Variants in NRXN3 observed in about 807,000 individuals in gnomAD.
NRXN3 encodes the protein neurexin 3, also known as neurexin III.
In NRXN3, 32 loss-of-function variants were observed where a neutral mutation model predicts 137.6. The ratio of observed to expected loss-of-function variants is 0.23; its 90% CI spans 0.18 to 0.31. The LOEUF (loss-of-function observed/expected upper bound fraction) is 0.31. Ranked by LOEUF, NRXN3 falls within the 10% of genes least tolerant of loss-of-function variation. The pLI is 1.00. For synonymous variants in NRXN3, 798 were observed against 784.5 expected (o/e 1.02, Z -0.29); for missense variants, 1,574 against 2,062.5 (o/e 0.76, Z 4.59).
intron 15 of NRXN3, among the ~76,000 whole-genome samples, chr14:79,383,446 T>A (rs1190502021): frequency 6.6e-6 from 1 of 152,152 alleles, no homozygotes; most frequent in East Asian, 1.9e-4. Context: ...AAAATTTGTC[T>A]GCAAAAAGCC....
chr14:78,897,337 A>G (rs2152727591), intron 10 of NRXN3, among the ~76,000 whole-genome samples: 1 of 152,074 alleles, frequency 6.6e-6, no homozygotes, highest in South Asian at 2.1e-4. Context: ...CAGTAACAGT[A>G]GGAGATATTG....
chr14:78,441,320 C>T (rs1460209576), intron 4 of NRXN3, among the ~76,000 whole-genome samples: 4 of 152,052 alleles, frequency 2.6e-5, no homozygotes, highest in African/African-American at 7.2e-5. Context: ...TCTTTTTAAC[C>T]TCTGCATCTT....
chr14:78,503,066 G>T (rs770767552), intron 4 of NRXN3, among the ~76,000 whole-genome samples: 1 of 152,112 alleles, frequency 6.6e-6, no homozygotes, highest in African/African-American at 2.4e-5. Flanking sequence ...AAACATCACT[G>T]GCAGAAATAT....
chr14:78,596,231 A>G (rs541072739), intron 4 of NRXN3, among the ~76,000 whole-genome samples: 4 of 152,346 alleles, frequency 2.6e-5, no homozygotes, highest in Admixed American at 2.6e-4. Context: ...CATAATGGAA[A>G]TTTAAGATTC....
chr14:78,336,098 G>A (rs1239153828), intron 4 of NRXN3, among the ~76,000 whole-genome samples: 1 of 152,130 alleles, frequency 6.6e-6, no homozygotes, highest in Non-Finnish European at 1.5e-5. Context: ...CACCCCCATA[G>A]AGTATGATTC....
intron 10 of NRXN3, among the ~76,000 whole-genome samples, chr14:78,909,584 G>A (rs1294285611): frequency 6.6e-6 from 1 of 152,108 alleles, no homozygotes; most frequent in Non-Finnish European, 1.5e-5. Context: ...TTGCCATCCT[G>A]ATTTGACTTC....
chr14:78,405,513 T>C (rs143107364), intron 4 of NRXN3, among the ~76,000 whole-genome samples: 1 of 151,648 alleles, frequency 6.6e-6, no homozygotes, highest in East Asian at 1.9e-4. Context: ...GATCATTCCC[T>C]CCTCATCTCA....
chr14:78,484,718 C>T (rs772959714), intron 4 of NRXN3, among the ~76,000 whole-genome samples: 87 of 152,230 alleles, frequency 5.7e-4, no homozygotes, highest in South Asian at 5.2e-3. Context: ...AGTAAGCATA[C>T]CAGTGATCTG....
At chr14:79,706,317 T>G (rs533410195) in intron 19 of NRXN3, among the ~76,000 whole-genome samples, 1 of 152,276 alleles carries the variant, frequency 6.6e-6, no homozygotes, top group African/African-American at 2.4e-5. Flanking sequence ...TTCTTCTTCC[T>G]TTCCAAATAA....
In NRXN3 at chr14:78,982,792, G is replaced by T. The variant is rs1008817171; in HGVS notation, c.3143-5230G>T. On this transcript the variant is annotated intron_variant, in intron 14 of 20. Coordinates refer to ENST00000335750, the MANE Select transcript of NRXN3 (RefSeq NM_001330195.2). ...ACAGGCAACATAAACAAATGAGATT[G>T]CATGAAGCCAAAAAGGTTCTGCACA... Among the ~76,000 whole-genome samples the T allele has an allele frequency of 4.2e-4, 64 of 152,236 alleles. 1 individual carries two copies. The highest frequency in any genetic ancestry group is 1.5e-3 in the African/African-American group (63 of 41,564).
At chr14:78,552,994 A>G (rs184671620) in intron 4 of NRXN3, among the ~76,000 whole-genome samples, 2 of 152,342 alleles carry the variant, frequency 1.3e-5, no homozygotes, top group African/African-American at 4.8e-5. Context: ...CATCTATTAT[A>G]CATCAATAAA....
intron 16 of NRXN3, among the ~76,000 whole-genome samples, chr14:79,558,357 A>G (rs1362709353): frequency 6.6e-6 from 1 of 152,128 alleles, no homozygotes; most frequent in Non-Finnish European, 1.5e-5. Context: ...TATGGCACCT[A>G]TAGCCTTATG....
intron 4 of NRXN3, among the ~76,000 whole-genome samples, chr14:78,521,725 A>G (rs1437000967): frequency 6.6e-6 from 1 of 152,184 alleles, no homozygotes; most frequent in Non-Finnish European, 1.5e-5. Flanking sequence ...AAAATACCAC[A>G]ATGATATATA....
chr14:79,805,269 A>G, intron 20 of NRXN3, 79 bp downstream of exon 20: 1 of 971,102 alleles, frequency 1.0e-6, no homozygotes, highest in Non-Finnish European at 1.6e-6. Flanking sequence ...GTGATTATAC[A>G]TGTGTTTTAT....
At chr14:78,290,807 G>T (rs979060769) in intron 3 of NRXN3, among the ~76,000 whole-genome samples, 1 of 152,132 alleles carries the variant, frequency 6.6e-6, no homozygotes, top group African/African-American at 2.4e-5. Context: ...TCCTGTGCAT[G>T]CCCCTGTCTT....
At chr14:78,692,884 G>A (rs561431560) in intron 6 of NRXN3, among the ~76,000 whole-genome samples, 11 of 151,998 alleles carry the variant, frequency 7.2e-5, no homozygotes, top group African/African-American at 2.4e-4. Flanking sequence ...AGTTCAAGAC[G>A]AGCCTGGCCA....
chr14:79,547,815 G>T (rs1407814694), intron 16 of NRXN3, among the ~76,000 whole-genome samples: 1 of 152,140 alleles, frequency 6.6e-6, no homozygotes, highest in Non-Finnish European at 1.5e-5. Context: ...ATGCCTTCGA[G>T]AACTAATTGG....
intron 4 of NRXN3, among the ~76,000 whole-genome samples, chr14:78,314,878 G>T (rs11159351): frequency 0.4 from 26,350 of 65,806 alleles, 4,388 homozygotes; most frequent in Middle Eastern, 0.48. Context: ...TTTCTTTTCC[G>T]TTCTTTCTTT....
At chr14:79,458,695 C>G (rs1367099756) in intron 15 of NRXN3, among the ~76,000 whole-genome samples, 1 of 152,098 alleles carries the variant, frequency 6.6e-6, no homozygotes, top group East Asian at 1.9e-4. Flanking sequence ...TTTCCTAGAA[C>G]TTATTTTGTT....
Sources: allele counts gnomAD v4.1 joint callset (sites outside exome capture counted in the v4.1 genomes callset), GRCh38; gene constraint gnomAD v4.1.1; transcripts MANE v1.5; gene names NCBI Gene and HGNC (gene_info 2026-07-23, HGNC 2026-07-21).